Variants in GPM6B observed in about 807,000 individuals in gnomAD.
GPM6B encodes glycoprotein M6B.
Under a neutral mutation model 27.2 loss-of-function variants are expected in GPM6B, and 4 were observed. The observed-to-expected ratio is 0.15, with a 90% CI of 0.07 to 0.34. The LOEUF (loss-of-function observed/expected upper bound fraction) is 0.34. Among genes scored for constraint, GPM6B ranks in the 10% least tolerant of loss-of-function variants. GPM6B has a pLI of 1.00. For synonymous variants in GPM6B, 124 were observed against 103.1 expected, an observed-to-expected ratio of 1.20 and a Z score of -1.23; for missense variants, 183 against 261.9, an observed-to-expected ratio of 0.70 and a Z score of 2.08.
chrX:13,842,433 A>C (rs908923608), intron 1 of GPM6B, among the ~76,000 whole-genome samples: 1 of 111,842 alleles, frequency 8.9e-6, no homozygotes, highest in Non-Finnish European at 1.9e-5. Context: ...GTAGGAGCTC[A>C]GTGCATAGAA....
In GPM6B at chrX:13,789,665, C is replaced by T. The variant is rs919991361; in HGVS notation, c.182-3857G>A. Among the ~76,000 whole-genome samples, 3 of 111,286 alleles carry T rather than the reference C, an allele frequency of 2.7e-5. No individual in the cohort carries two copies. In the East Asian group the frequency reaches 8.6e-4, roughly 32 times the overall value. ...TGGTGGGCGCCTGTAGTCCCAGCTACTCGGGAGGCTGAGGCAGGAGAATGG... is the reference window on the plus strand; with the variant it reads ...TGGTGGGCGCCTGTAGTCCCAGCTATTCGGGAGGCTGAGGCAGGAGAATGG... On this transcript the variant is annotated intron_variant, in intron 2 of 7. Transcript: ENST00000316715.
intron 1 of GPM6B, among the ~76,000 whole-genome samples, chrX:13,917,438 G>A (rs745392092): frequency 1.2e-4 from 14 of 112,159 alleles, no homozygotes; most frequent in Non-Finnish European, 2.3e-4. Context: ...AGCAAATTAT[G>A]AACACAGGTT....
intron 1 of GPM6B, among the ~76,000 whole-genome samples, chrX:13,931,314 C>G (rs1279801187): frequency 9.1e-6 from 1 of 110,250 alleles, no homozygotes; most frequent in Non-Finnish European, 1.9e-5. Context: ...TGGTGAAACC[C>G]CATCTCTACT....
intron 1 of GPM6B, among the ~76,000 whole-genome samples, chrX:13,866,827 AAAAT>A (rs1422349588): frequency 2.7e-5 from 3 of 111,762 alleles, no homozygotes; most frequent in Non-Finnish European, 5.6e-5. Context: ...ACTTGAAGAT[AAAAT>A]AACTAAATCT....
rs757707421 is a variant in GPM6B at position 13,809,600 on chromosome X, ACT to A, written c.62-1833_62-1832del. On this transcript the variant is annotated intron_variant, in intron 1 of 7. Coordinates refer to ENST00000316715, the MANE Select transcript of GPM6B (RefSeq NM_001001995.3). The stretch of plus-strand genomic sequence containing the variant: ...AAACCAGCCTGGCCAACATGGTGAA[ACT>A]CTGTCTGTACTAAAAATAAAAAAAA... 3.5e-4 allele frequency among the ~76,000 whole-genome samples: 39 copies of A among 110,268 alleles called. 1 individual carries two copies. The highest frequency in any genetic ancestry group is 2.8e-3 in the East Asian group (10 of 3,558).
intron 1 of GPM6B, among the ~76,000 whole-genome samples, chrX:13,892,239 A>G: frequency 8.9e-6 from 1 of 111,935 alleles, no homozygotes; most frequent in Non-Finnish European, 1.9e-5. Flanking sequence ...TTGACATAGT[A>G]AAATGGTATC....
At chrX:13,913,800 G>A (rs73633586) in intron 1 of GPM6B, among the ~76,000 whole-genome samples, 1,891 of 111,744 alleles carry the variant, frequency 0.017, 40 homozygotes, top group African/African-American at 0.053. Context: ...TGCCCAGGTT[G>A]GAGTGCAGTG....
chrX:13,819,144 T>G (rs890322374), upstream of GPM6B, among the ~76,000 whole-genome samples: 1 of 112,532 alleles, frequency 8.9e-6, no homozygotes, highest in African/African-American at 3.2e-5. Context: ...GATACCTGCA[T>G]CTACTTTCCA....
At chrX:13,829,839 C>A (rs1396473825) in intron 1 of GPM6B, among the ~76,000 whole-genome samples, 2 of 107,009 alleles carry the variant, frequency 1.9e-5, no homozygotes, top group African/African-American at 3.4e-5. Context: ...GTACTCAAGT[C>A]CAAATTAAAT....
intron 1 of GPM6B, among the ~76,000 whole-genome samples, chrX:13,929,081 A>T (rs1921352827): frequency 8.9e-6 from 1 of 112,479 alleles, no homozygotes; most frequent in Admixed American, 9.4e-5. Flanking sequence ...TTAAGGGCTT[A>T]ATCTGGTTAG....
Position 13,772,714 on chromosome X carries a change from A to AC in GPM6B, c.*166dup, listed in dbSNP as rs2048323642. The AC allele has an allele frequency of 2.7e-6, 1 of 365,604 alleles. No homozygotes were observed. Among genetic ancestry groups the AC allele is most frequent in the African/African-American group, 2.6e-5 (1 of 39,212 alleles). The allele number at this position is 365,604 out of a possible 1,213,427, so 30.1% of individuals were successfully genotyped here. A position where few individuals can be genotyped will look rare whatever the true frequency, so the allele number is the denominator to read the frequency against. Reference sequence around the variant, plus strand: ...ATATTTGTTCTAAAGAAAAAGATTTACCCACTGGAAGGTTTTCCTAGAGAT... The same window carrying AC: ...ATATTTGTTCTAAAGAAAAAGATTTACCCCACTGGAAGGTTTTCCTAGAGAT... On this transcript the variant is annotated 3_prime_UTR_variant, in exon 8 of 8. Transcript: ENST00000316715.
intron 2 of GPM6B, among the ~76,000 whole-genome samples, chrX:13,804,011 A>C (rs1297764640): frequency 3.6e-5 from 4 of 111,951 alleles, no homozygotes; most frequent in African/African-American, 9.8e-5. Context: ...AAATTCACAT[A>C]ATCAATTCCT....
At chrX:13,789,759 A>G (rs2048677786) in intron 2 of GPM6B, among the ~76,000 whole-genome samples, 1 of 106,360 alleles carries the variant, frequency 9.4e-6, no homozygotes, top group Admixed American at 9.9e-5. Context: ...TGGGTGACAG[A>G]GCAAGACTCC....
At chrX:13,925,745 A>G (rs1176680339) in intron 1 of GPM6B, among the ~76,000 whole-genome samples, 3 of 111,320 alleles carry the variant, frequency 2.7e-5, no homozygotes, top group African/African-American at 9.8e-5. Context: ...TAATATAGTA[A>G]ATACATTGAC....
At chrX:13,857,109 T>C (rs2049790221) in intron 1 of GPM6B, among the ~76,000 whole-genome samples, 1 of 111,583 alleles carries the variant, frequency 9.0e-6, no homozygotes, top group Non-Finnish European at 1.9e-5. Flanking sequence ...TCCTGCCTCC[T>C]TCTTATAAGG....
intron 1 of GPM6B, among the ~76,000 whole-genome samples, chrX:13,867,390 G>A (rs1460761202): frequency 1.8e-5 from 2 of 112,488 alleles, no homozygotes; most frequent in Admixed American, 9.4e-5. Flanking sequence ...GACTACAAGC[G>A]TGAGCCGCTG....
intron 1 of GPM6B, among the ~76,000 whole-genome samples, chrX:13,881,512 CAA>C (rs955105493): frequency 1.3e-5 from 1 of 79,896 alleles, no homozygotes. Flanking sequence ...ACCCTGTCAC[CAA>C]AAAAAAAAAG....
chrX:13,907,391 T>C (rs2050340200), intron 1 of GPM6B, among the ~76,000 whole-genome samples: 1 of 112,549 alleles, frequency 8.9e-6, no homozygotes, highest in Non-Finnish European at 1.9e-5. Flanking sequence ...TTTAAAGTTA[T>C]AGTTAAATTC....
Position 13,880,675 on chromosome X carries a change from C to CAAAAAAAAAAAAAAAAAAAA in GPM6B, c.-198+57651_-198+57652insTTTTTTTTTTTTTTTTTTTT, listed in dbSNP as rs57849359. 5.1e-4 allele frequency among the ~76,000 whole-genome samples: 24 copies of CAAAAAAAAAAAAAAAAAAAA among 46,613 alleles called. 2 individuals carry two copies. The highest frequency in any genetic ancestry group is 2.5e-3 in the African/African-American group (21 of 8,490). The allele number at this position is 46,613 out of a possible 115,157, so 40.5% of individuals were successfully genotyped here. On this transcript the variant is annotated intron_variant, in intron 1 of 6. Coordinates refer to the GPM6B transcript ENST00000398361. ...TGGGAGACAGAGCAAGGCTCCATCT[C>CAAAAAAAAAAAAAAAAAAAA]AAAAAAAAAAAAAAAAGGCAAATCA...
Sources: gnomAD v4.1 joint callset for allele counts (sites outside exome capture counted in the v4.1 genomes callset) on GRCh38, gnomAD v4.1.1 for gene constraint, MANE v1.5 for transcripts, NCBI Gene and HGNC (gene_info 2026-07-23, HGNC 2026-07-21) for gene names.